Variants in CHSY3 observed in about 807,000 individuals in gnomAD.
The protein encoded by CHSY3 is chondroitin sulfate synthase 3.
In CHSY3, 35 loss-of-function variants were observed where a neutral mutation model predicts 67.2. That is an observed-to-expected ratio of 0.52 (90% CI 0.40 to 0.69). The LOEUF (loss-of-function observed/expected upper bound fraction) is 0.69, where lower values mean the gene tolerates loss of function less well. Ranked by LOEUF, CHSY3 falls within the 30% of genes least tolerant of loss-of-function variation. The pLI is 0.00. For missense variants in CHSY3, 1,069 were observed against 1,138.5 expected (o/e 0.94, Z 0.88); for synonymous variants, 474 against 434.7 (o/e 1.09, Z -1.12).
At chr5:129,967,182 C>G (rs959249965) in intron 2 of CHSY3, among the ~76,000 whole-genome samples, 1 of 151,702 alleles carries the variant, frequency 6.6e-6, no homozygotes, top group Non-Finnish European at 1.5e-5. Context: ...TTAATATGCC[C>G]ATGCCACATT....
chr5:129,994,174 G>A (rs368323347), intron 2 of CHSY3, among the ~76,000 whole-genome samples: 5 of 152,006 alleles, frequency 3.3e-5, no homozygotes, highest in Admixed American at 2.6e-4. Context: ...TTTGGTGAAT[G>A]TGACAATTAT....
chr5:130,087,751 A>T lies in CHSY3; in HGVS notation c.1087-96478A>T, dbSNP rs555663442. On this transcript the variant is annotated intron_variant, in intron 2 of 2. Coordinates refer to ENST00000305031, the MANE Select transcript of CHSY3 (RefSeq NM_175856.5). ...ACAAATGGAAGAACATTCCATGCTC[A>T]TGGGTAGGAAAAATCAATATCATGA... Among the ~76,000 whole-genome samples, 25 of 152,138 alleles carry T rather than the reference A, an allele frequency of 1.6e-4. No individual in the cohort carries two copies. In the East Asian group the frequency reaches 4.8e-3, roughly 29 times the overall value.
In CHSY3 at chr5:129,905,240, G is replaced by A; in HGVS notation, c.411G>A (p.Glu137=). 1 of 1,479,606 alleles carries A rather than the reference G, an allele frequency of 6.8e-7. No individual in the cohort carries two copies. The allele number at this position is 1,479,606 out of a possible 1,614,324, so 91.7% of individuals were successfully genotyped here. A position where few individuals can be genotyped will look rare whatever the true frequency, so the allele number is the denominator to read the frequency against. Reference sequence around the variant, plus strand: ...CGGCCGAGGGGGAGCCCGAGGAGGAGGACGGGGGCGCGGCTGGGCAGCGGA... The same window carrying A: ...CGGCCGAGGGGGAGCCCGAGGAGGAAGACGGGGGCGCGGCTGGGCAGCGGA... ...APAAEGEPEE[E]DGGAAGQRRD... The change falls in exon 1 of 3, where the codon GAG becomes GAA. Residue 137 remains glutamate (E), a synonymous_variant. Coordinates refer to ENST00000305031, the MANE Select transcript of CHSY3 (RefSeq NM_175856.5).
chr5:130,095,487 T>G (rs1157231736), intron 2 of CHSY3, among the ~76,000 whole-genome samples: 1 of 152,158 alleles, frequency 6.6e-6, no homozygotes, highest in Non-Finnish European at 1.5e-5. Context: ...TAATAGTGGA[T>G]TATACTCCAA....
rs555285946 is a variant in CHSY3 at position 130,090,483 on chromosome 5, C to G, written c.1087-93746C>G. On this transcript the variant is annotated intron_variant, in intron 2 of 2. Coordinates refer to ENST00000305031, the MANE Select transcript of CHSY3 (RefSeq NM_175856.5). ...TGAGGTCACATTCAGGAAAACAAGG[C>G]TGGTGCCCTTTTTCAAGGATATGCG... 1.1e-3 allele frequency among the ~76,000 whole-genome samples: 167 copies of G among 152,254 alleles called. 1 individual carries two copies. Among genetic ancestry groups the G allele is most frequent in the African/African-American group, 3.8e-3 (158 of 41,562 alleles).
chr5:129,949,856 G>A (rs761629563), intron 2 of CHSY3, among the ~76,000 whole-genome samples: 2 of 152,066 alleles, frequency 1.3e-5, no homozygotes, highest in Non-Finnish European at 2.9e-5. Context: ...AGTGAAGGAT[G>A]AAGGATAAAA....
At chr5:130,018,051 G>A (rs1275933303) in intron 2 of CHSY3, among the ~76,000 whole-genome samples, 1 of 152,112 alleles carries the variant, frequency 6.6e-6, no homozygotes, top group Non-Finnish European at 1.5e-5. Context: ...ATCAAAGTAG[G>A]TTGTAGAGGT....
At chr5:130,084,676 G>A (rs955548280) in intron 2 of CHSY3, among the ~76,000 whole-genome samples, 4 of 151,806 alleles carry the variant, frequency 2.6e-5, no homozygotes, top group African/African-American at 9.7e-5. Context: ...GTGCTGTTCT[G>A]ATCCTAAATG....
chr5:130,096,797 T>C lies in CHSY3; in HGVS notation c.1087-87432T>C, dbSNP rs561087357. 2.6e-5 allele frequency among the ~76,000 whole-genome samples: 4 copies of C among 152,252 alleles called. No homozygotes were observed. In the South Asian group the frequency reaches 6.2e-4, roughly 24 times the overall value. The stretch of plus-strand genomic sequence containing the variant: ...GCCAAATTCAGCCTCTTTATCCCAG[T>C]ACAGAGCTGGTTACTTCCAAATGGT... On this transcript the variant is annotated intron_variant, in intron 2 of 2. Coordinates refer to ENST00000305031, the MANE Select transcript of CHSY3 (RefSeq NM_175856.5).
chr5:130,141,167 A>G (rs1188818583), intron 2 of CHSY3: 4 of 424,454 alleles, frequency 9.4e-6, no homozygotes, highest in East Asian at 1.4e-4. Context: ...CCTATCTGGA[A>G]GCAAATCTGA....
chr5:130,140,912 AT>A, intron 2 of CHSY3: 2 of 740,892 alleles, frequency 2.7e-6, no homozygotes, highest in Non-Finnish European at 3.4e-6. Context: ...CAATACCTCC[AT>A]TTTCCATGCC....
chr5:129,974,416 G>A (rs1240265286), intron 2 of CHSY3, among the ~76,000 whole-genome samples: 1 of 151,982 alleles, frequency 6.6e-6, no homozygotes, highest in Non-Finnish European at 1.5e-5. Flanking sequence ...TATAAAATGT[G>A]TTTATACTCA....
At chr5:129,976,906 G>A (rs1273782301) in intron 2 of CHSY3, among the ~76,000 whole-genome samples, 1 of 111,880 alleles carries the variant, frequency 8.9e-6, no homozygotes, top group Admixed American at 1.1e-4. Flanking sequence ...ATTACATATA[G>A]AGAAGACATA....
At chr5:129,921,459 A>G (rs1213065247) in intron 2 of CHSY3, among the ~76,000 whole-genome samples, 1 of 152,212 alleles carries the variant, frequency 6.6e-6, no homozygotes, top group Non-Finnish European at 1.5e-5. Context: ...TTATCACTCT[A>G]TCAGAACAGT....
chr5:130,153,836 AT>A (rs201212820), intron 2 of CHSY3, among the ~76,000 whole-genome samples: 44 of 151,316 alleles, frequency 2.9e-4, no homozygotes, highest in African/African-American at 9.7e-4. Flanking sequence ...TGTTTGTTTT[AT>A]TTTTTTTCTG....
At chr5:130,087,695 C>A (rs1766701420) in intron 2 of CHSY3, among the ~76,000 whole-genome samples, 1 of 151,970 alleles carries the variant, frequency 6.6e-6, no homozygotes. Flanking sequence ...GAACTACAAA[C>A]CACTGCTCAA....
rs1767840143 is a variant in CHSY3, at chr5:130,117,243, A to G, written c.1087-66986A>G. The stretch of plus-strand genomic sequence containing the variant: ...GTGATGGTCTTAAATTGACACAAGG[A>G]TGCAGAGGAGCCCAGAAGATGTGTT... On this transcript the variant is annotated intron_variant, in intron 2 of 2. Coordinates refer to ENST00000305031, the MANE Select transcript of CHSY3 (RefSeq NM_175856.5). Among the ~76,000 whole-genome samples the G allele has an allele frequency of 2.0e-5, 3 of 152,318 alleles. No homozygotes were observed. In the South Asian group the frequency reaches 6.2e-4, roughly 32 times the overall value.
intron 2 of CHSY3, among the ~76,000 whole-genome samples, chr5:130,055,781 G>A (rs904201514): frequency 6.6e-6 from 1 of 152,040 alleles, no homozygotes; most frequent in Non-Finnish European, 1.5e-5. Context: ...AAATGCCATT[G>A]AGTCCCGGAC....
intron 2 of CHSY3, among the ~76,000 whole-genome samples, chr5:130,178,247 A>ATTTT (rs1356162457): frequency 2.5e-4 from 17 of 69,192 alleles, no homozygotes; most frequent in African/African-American, 1.2e-3. Flanking sequence ...ATATATATAT[A>ATTTT]TATATATTTT....
Sources: allele counts gnomAD v4.1 joint callset (sites outside exome capture counted in the v4.1 genomes callset), GRCh38; gene constraint gnomAD v4.1.1; transcripts MANE v1.5; gene names NCBI Gene and HGNC (gene_info 2026-07-23, HGNC 2026-07-21).